The following TCF12 variants were observed in gnomAD, a reference collection of about 807,000 sequenced individuals.
TCF12 encodes transcription factor 12.
TCF12 carries 45 observed loss-of-function variants against 86.0 expected under a neutral mutation model. That is an observed-to-expected ratio of 0.52 (90% CI 0.41 to 0.67). The LOEUF is 0.67. Ranked by LOEUF, TCF12 falls within the 30% of genes least tolerant of loss-of-function variation. TCF12 has a pLI of 0.00. For missense variants in TCF12, 881 were observed against 859.9 expected (o/e 1.02, Z -0.31); for synonymous variants, 330 against 299.6 (o/e 1.10, Z -1.05).
intron 6 of TCF12, among the ~76,000 whole-genome samples, chr15:57,170,688 T>A (rs12911401): frequency 5.9e-4 from 6 of 10,238 alleles, no homozygotes; most frequent in South Asian, 1.8e-3. Flanking sequence ...ATATTATATA[T>A]AATATATATT....
chr15:56,996,135 C>A (rs56235870), intron 3 of TCF12, among the ~76,000 whole-genome samples: 2 of 152,046 alleles, frequency 1.3e-5, no homozygotes, highest in African/African-American at 4.8e-5. Context: ...GGAATAAAGC[C>A]TACTTGATCA....
rs113010378 is a variant in TCF12, at chr15:57,095,856, A to G, written c.325+3965A>G. Among the ~76,000 whole-genome samples, 122 of 152,270 alleles carry G rather than the reference A, an allele frequency of 8.0e-4. 4 individuals are homozygous for G. The highest frequency in any genetic ancestry group is 2.9e-3 in the African/African-American group (120 of 41,566). On this transcript the variant is annotated intron_variant, in intron 5 of 20. Coordinates refer to ENST00000333725, the MANE Select transcript of TCF12 (RefSeq NM_207037.2). ...ACAATTCCATAATCTCATAAATTTAATAACTTTTATTCAACCCTGAAAAAG... is the reference window on the plus strand; with the variant it reads ...ACAATTCCATAATCTCATAAATTTAGTAACTTTTATTCAACCCTGAAAAAG...
intron 5 of TCF12, among the ~76,000 whole-genome samples, chr15:57,113,562 A>G (rs1056009722): frequency 1.5e-4 from 22 of 150,992 alleles, no homozygotes; most frequent in Non-Finnish European, 1.3e-4. Context: ...TTTTTCTTTT[A>G]ATGCTCATTT....
At chr15:57,195,617 A>C (rs537820299) in intron 7 of TCF12, among the ~76,000 whole-genome samples, 12 of 152,170 alleles carry the variant, frequency 7.9e-5, no homozygotes, top group Non-Finnish European at 1.6e-4. Flanking sequence ...TGTTGTGTAC[A>C]GTTTTCTTCA....
At chr15:56,938,807 A>G (rs957163797) in intron 3 of TCF12, among the ~76,000 whole-genome samples, 6 of 152,116 alleles carry the variant, frequency 3.9e-5, no homozygotes, top group Admixed American at 1.3e-4. Context: ...GCTTCCACAT[A>G]TGAATTTTGA....
At chr15:57,123,106 C>T (rs1489907652) in intron 5 of TCF12, among the ~76,000 whole-genome samples, 1 of 152,142 alleles carries the variant, frequency 6.6e-6, no homozygotes, top group Non-Finnish European at 1.5e-5. Flanking sequence ...AGTAAACTTC[C>T]TGCCTTTATG....
rs1352016324 is a variant in TCF12 at position 57,243,536 on chromosome 15, C to T, written c.1100C>T (p.Pro367Leu). ...PSNPSTPVGS[P>L]SPLTGTSQWP... is the part of the protein sequence containing the mutation. Reference sequence around the variant, plus strand: ...AATCCATCAACACCAGTTGGATCACCTTCACCTCTCACAGGTAGGCTTCTG... The same window carrying T: ...AATCCATCAACACCAGTTGGATCACTTTCACCTCTCACAGGTAGGCTTCTG... The change falls in exon 13 of 21, where the codon CCT becomes CTT. Residue 367 changes from proline (P) to leucine (L), a missense_variant. Pro to Leu is a moderately conservative substitution (Grantham distance 98). Around this residue, in one of 3 missense-constraint regions of TCF12, gnomAD observed 766 missense variants for 718.9 expected, o/e 1.07. Coordinates refer to ENST00000333725, the MANE Select transcript of TCF12 (RefSeq NM_207037.2). The T allele has an allele frequency of 6.2e-7, 1 of 1,613,608 alleles. No individual in the cohort carries two copies. Among genetic ancestry groups the T allele is most frequent in the African/African-American group, 1.3e-5 (1 of 74,916 alleles).
chr15:57,154,739 A>G (rs2053998991), intron 5 of TCF12, among the ~76,000 whole-genome samples: 1 of 152,156 alleles, frequency 6.6e-6, no homozygotes, highest in Non-Finnish European at 1.5e-5. Flanking sequence ...AGGCATAAAG[A>G]ATTTTAAAAC....
chr15:57,128,490 C>T (rs1489514320), intron 5 of TCF12, among the ~76,000 whole-genome samples: 2 of 152,162 alleles, frequency 1.3e-5, no homozygotes, highest in Non-Finnish European at 2.9e-5. Context: ...GGTTCCTTCT[C>T]AGTAACCACA....
chr15:57,118,761 G>A (rs1250896139), intron 5 of TCF12, among the ~76,000 whole-genome samples: 4 of 152,164 alleles, frequency 2.6e-5, no homozygotes, highest in Non-Finnish European at 5.9e-5. Flanking sequence ...TTTAACCAGT[G>A]TAAAGGCAAT....
At chr15:57,114,507 A>G (rs1200904545) in intron 5 of TCF12, among the ~76,000 whole-genome samples, 1 of 152,076 alleles carries the variant, frequency 6.6e-6, no homozygotes, top group African/African-American at 2.4e-5. Context: ...TTTGTTGCCC[A>G]TGCTGGTCTT....
chr15:57,246,816 A>C (rs536990547), intron 13 of TCF12: 1 of 338,870 alleles, frequency 3.0e-6, no homozygotes, highest in South Asian at 2.5e-5. Context: ...AACTTTTCTG[A>C]CTATGGATCA....
At chr15:56,943,188 C>G (rs185748032) in intron 3 of TCF12, among the ~76,000 whole-genome samples, 302 of 152,218 alleles carry the variant, frequency 2.0e-3, no homozygotes, top group Non-Finnish European at 3.8e-3. Flanking sequence ...GCAACTTCAC[C>G]TTTTCATTTA....
chr15:57,203,968 C>G (rs1165029245), intron 8 of TCF12, among the ~76,000 whole-genome samples: 1 of 152,152 alleles, frequency 6.6e-6, no homozygotes, highest in African/African-American at 2.4e-5. Context: ...GCACTCCAGC[C>G]TGGGTGACAG....
intron 5 of TCF12, among the ~76,000 whole-genome samples, chr15:57,108,264 C>G (rs981375847): frequency 2.0e-5 from 3 of 151,982 alleles, no homozygotes; most frequent in Admixed American, 6.5e-5. Flanking sequence ...TGGAGCATCT[C>G]AGAGTTAATT....
intron 12 of TCF12, among the ~76,000 whole-genome samples, chr15:57,237,626 T>TA: frequency 6.6e-6 from 1 of 152,334 alleles, no homozygotes; most frequent in South Asian, 2.1e-4. Context: ...CTCTAGACTC[T>TA]AAATCACTCT....
intron 4 of TCF12, among the ~76,000 whole-genome samples, chr15:57,078,656 G>C (rs549624034): frequency 9.9e-5 from 15 of 152,066 alleles, no homozygotes; most frequent in Admixed American, 6.5e-4. Flanking sequence ...TAACTAGATT[G>C]ACATGAAAAG....
intron 3 of TCF12, among the ~76,000 whole-genome samples, chr15:56,994,374 T>C (rs1464795389): frequency 6.6e-6 from 1 of 151,980 alleles, no homozygotes; most frequent in Admixed American, 6.6e-5. Flanking sequence ...ATGGAAGAGG[T>C]AGTCAACATA....
chr15:56,958,709 G>GTGTGTGTT (rs1271969362), intron 3 of TCF12, among the ~76,000 whole-genome samples: 6 of 130,702 alleles, frequency 4.6e-5, no homozygotes, highest in African/African-American at 1.5e-4. Context: ...GTGTGTGTGT[G>GTGTGTGTT]TGTGTGAAGT....
Sources: allele counts gnomAD v4.1 joint callset (sites outside exome capture counted in the v4.1 genomes callset), GRCh38; gene constraint gnomAD v4.1.1; regional missense constraint gnomAD v4.1.1; transcripts MANE v1.5; gene names NCBI Gene and HGNC (gene_info 2026-07-23, HGNC 2026-07-21).